The following ANKFN1 variants were observed in gnomAD, a reference collection of about 807,000 sequenced individuals.
The protein encoded by ANKFN1 is ankyrin repeat and fibronectin type III domain containing 1.
In ANKFN1, 74 loss-of-function variants were observed where a neutral mutation model predicts 108.7. The observed-to-expected ratio is 0.68, with a 90% confidence interval of 0.56 to 0.83. The LOEUF is 0.83. Ranked by LOEUF, ANKFN1 falls within the 40% of genes least tolerant of loss-of-function variation. The pLI is 0.00. For missense variants in ANKFN1, 1,505 were observed against 1,382.3 expected (o/e 1.09, Z -1.41); for synonymous variants, 547 against 516.2 (o/e 1.06, Z -0.81).
At chr17:56,146,289 A>G (rs536849545) in intron 4 of ANKFN1, among the ~76,000 whole-genome samples, 1 of 152,248 alleles carries the variant, frequency 6.6e-6, no homozygotes, top group African/African-American at 2.4e-5. Context: ...TTCCAGGTGC[A>G]TGGTGCAGCC....
At chr17:56,064,343 G>A (rs1905026651) in intron 4 of ANKFN1, among the ~76,000 whole-genome samples, 1 of 152,240 alleles carries the variant, frequency 6.6e-6, no homozygotes, top group Admixed American at 6.5e-5. Flanking sequence ...AAGGCTAAGT[G>A]TGCTGGTCTG....
chr17:56,220,854 GGA>G (rs1915826171), intron 2 of ANKFN1, among the ~76,000 whole-genome samples: 1 of 56,976 alleles, frequency 1.8e-5, no homozygotes, highest in Non-Finnish European at 2.8e-5. Context: ...GAGGGAGGAA[GGA>G]AGGAAGGAAG....
intron 3 of ANKFN1, among the ~76,000 whole-genome samples, chr17:56,293,527 T>C (rs1311002790): frequency 6.6e-6 from 1 of 152,188 alleles, no homozygotes; most frequent in Non-Finnish European, 1.5e-5. Context: ...GGTAAGATAT[T>C]AGAAGGCAGA....
chr17:56,157,795 G>C (rs1376440244), intron 1 of ANKFN1, among the ~76,000 whole-genome samples: 1 of 152,160 alleles, frequency 6.6e-6, no homozygotes, highest in East Asian at 1.9e-4. Context: ...TAAATCTATA[G>C]GTCAGAAAGC....
chr17:56,287,304 G>A (rs2044245070), intron 3 of ANKFN1, among the ~76,000 whole-genome samples: 1 of 152,140 alleles, frequency 6.6e-6, no homozygotes, highest in South Asian at 2.1e-4. Flanking sequence ...CTTTGGATTG[G>A]ACAAGCCTGG....
intron 3 of ANKFN1, among the ~76,000 whole-genome samples, chr17:56,310,520 G>A (rs907170545): frequency 6.6e-6 from 1 of 152,042 alleles, no homozygotes; most frequent in African/African-American, 2.4e-5. Flanking sequence ...AGGAGGCTGA[G>A]GCAGGAGAAT....
intron 4 of ANKFN1, among the ~76,000 whole-genome samples, chr17:56,136,378 A>G (rs987103081): frequency 7.9e-5 from 12 of 152,178 alleles, no homozygotes; most frequent in African/African-American, 2.9e-4. Context: ...ACAGCTAGAG[A>G]CAGTGTTGAA....
intron 8 of ANKFN1, among the ~76,000 whole-genome samples, chr17:56,375,136 A>G (rs2046912407): frequency 6.6e-6 from 1 of 152,172 alleles, no homozygotes; most frequent in African/African-American, 2.4e-5. Context: ...GGGGTTTTTC[A>G]AAAATGCAGA....
intron 10 of ANKFN1, 59 bp downstream of exon 10, chr17:56,442,992 C>A: frequency 6.5e-7 from 1 of 1,548,774 alleles, no homozygotes; most frequent in Non-Finnish European, 8.9e-7. Flanking sequence ...GCAACTCCAT[C>A]TTCAGGGTGC....
chr17:56,158,113 C>T (rs1186910403), intron 1 of ANKFN1, among the ~76,000 whole-genome samples: 1 of 152,164 alleles, frequency 6.6e-6, no homozygotes, highest in African/African-American at 2.4e-5. Context: ...GCTAATTTTT[C>T]ACTTGCTGGG....
intron 8 of ANKFN1, among the ~76,000 whole-genome samples, chr17:56,437,710 G>A (rs2048972919): frequency 1.3e-5 from 2 of 152,060 alleles, no homozygotes; most frequent in African/African-American, 4.8e-5. Context: ...TCAAGAGTTA[G>A]TAGCTCGTAA....
intron 8 of ANKFN1, among the ~76,000 whole-genome samples, chr17:56,383,338 A>G (rs1054319613): frequency 2.6e-5 from 4 of 152,220 alleles, no homozygotes; most frequent in Admixed American, 2.6e-4. Context: ...CAGTGTGTAG[A>G]GGGAAATTTA....
At chr17:56,253,666 G>A (rs560736011) in intron 3 of ANKFN1, among the ~76,000 whole-genome samples, 9 of 152,212 alleles carry the variant, frequency 5.9e-5, no homozygotes, top group African/African-American at 2.2e-4. Flanking sequence ...TTGAACCTGG[G>A]AGGCAGAGAT....
At chr17:56,235,387 G>C (rs551805579) in intron 3 of ANKFN1, among the ~76,000 whole-genome samples, 1 of 152,022 alleles carries the variant, frequency 6.6e-6, no homozygotes, top group South Asian at 2.1e-4. Flanking sequence ...TTTTGCTTGC[G>C]TTGCAATTAC....
At chr17:56,459,541 C>A (rs1374953010) in intron 14 of ANKFN1, among the ~76,000 whole-genome samples, 1 of 152,172 alleles carries the variant, frequency 6.6e-6, no homozygotes, top group Non-Finnish European at 1.5e-5. Context: ...TGGACCATGC[C>A]ACTGCACCTC....
At chr17:56,286,832 C>G (rs1211308892) in intron 3 of ANKFN1, among the ~76,000 whole-genome samples, 3 of 151,976 alleles carry the variant, frequency 2.0e-5, no homozygotes, top group African/African-American at 7.3e-5. Context: ...TATATATGCA[C>G]ATGGAAACAT....
intron 3 of ANKFN1, among the ~76,000 whole-genome samples, chr17:56,308,039 A>G (rs1268411418): frequency 2.6e-5 from 4 of 152,186 alleles, no homozygotes; most frequent in Non-Finnish European, 5.9e-5. Context: ...TTGAACAATG[A>G]GAACACATGG....
In ANKFN1 at chr17:56,140,885, C is replaced by G. The variant is rs1907879466; in HGVS notation, c.289-87032C>G. On this transcript the variant is annotated intron_variant, in intron 4 of 12. Transcript: ENST00000635860. ...TTATTAAATTATGTTGTCGCTTACA[C>G]TCCCAAGTAGGACATCTGTTAGCCA... Among the ~76,000 whole-genome samples, 5 of 152,296 alleles carry G rather than the reference C, an allele frequency of 3.3e-5. No homozygotes were observed. The South Asian group carries it at 8.3e-4, about 25-fold the overall frequency.
chr17:56,184,435 A>G (rs1443458985), intron 1 of ANKFN1, among the ~76,000 whole-genome samples: 2 of 152,200 alleles, frequency 1.3e-5, no homozygotes. Context: ...GCTGTTGCAC[A>G]ATTAATAGAC....
Sources: allele counts gnomAD v4.1 joint callset (sites outside exome capture counted in the v4.1 genomes callset), GRCh38; gene constraint gnomAD v4.1.1; transcripts MANE v1.5; gene names NCBI Gene and HGNC (gene_info 2026-07-23, HGNC 2026-07-21).